MGAT4C: variants seen among roughly 807,000 people sequenced by gnomAD.
The protein encoded by MGAT4C is MGAT4 family member C.
Under a neutral mutation model 40.1 loss-of-function variants are expected in MGAT4C, and 19 were observed. The ratio of observed to expected loss-of-function variants is 0.47; its 90% CI spans 0.33 to 0.70. The LOEUF (loss-of-function observed/expected upper bound fraction) is 0.70, where lower values mean the gene tolerates loss of function less well. MGAT4C is among the 30% of genes least tolerant of loss of function. The pLI is 0.02. For synonymous variants in MGAT4C, 181 were observed against 187.1 expected, an observed-to-expected ratio of 0.97 and a Z score of 0.27; for missense variants, 491 against 563.2, an observed-to-expected ratio of 0.87 and a Z score of 1.30.
intron 1 of MGAT4C, among the ~76,000 whole-genome samples, chr12:86,124,658 C>A (rs1879964622): frequency 6.6e-6 from 1 of 151,870 alleles, no homozygotes; most frequent in Non-Finnish European, 1.5e-5. Flanking sequence ...ATTCAGAGGT[C>A]TCTGTGGTCT....
chr12:86,442,972 G>A (rs993907395), intron 2 of MGAT4C, among the ~76,000 whole-genome samples: 10 of 152,028 alleles, frequency 6.6e-5, no homozygotes, highest in South Asian at 2.1e-4. Context: ...TTAGCGATAA[G>A]GTATTTTTAA....
At chr12:86,797,811 T>G (rs1952155312) in intron 1 of MGAT4C, among the ~76,000 whole-genome samples, 1 of 151,954 alleles carries the variant, frequency 6.6e-6, no homozygotes, top group South Asian at 2.1e-4. Context: ...TCTCTTCTTC[T>G]GATATTCTTT....
intron 2 of MGAT4C, among the ~76,000 whole-genome samples, chr12:86,506,020 T>C (rs1359647144): frequency 6.6e-6 from 1 of 152,130 alleles, no homozygotes; most frequent in Non-Finnish European, 1.5e-5. Flanking sequence ...AAGCCAGTAA[T>C]TGGTCAAACT....
intron 1 of MGAT4C, among the ~76,000 whole-genome samples, chr12:86,807,507 T>C (rs994804327): frequency 6.6e-6 from 1 of 152,132 alleles, no homozygotes; most frequent in Non-Finnish European, 1.5e-5. Context: ...TACCACATTT[T>C]TTTTATCCAG....
intron 4 of MGAT4C, among the ~76,000 whole-genome samples, chr12:86,310,625 T>C (rs747830524): frequency 2.6e-5 from 4 of 152,102 alleles, no homozygotes; most frequent in Non-Finnish European, 4.4e-5. Flanking sequence ...ATGCTTACTA[T>C]TAAAAAGTTA....
At chr12:86,268,672 T>TATATATAC (rs960996254) in intron 4 of MGAT4C, among the ~76,000 whole-genome samples, 6 of 146,914 alleles carry the variant, frequency 4.1e-5, no homozygotes, top group African/African-American at 1.5e-4. Flanking sequence ...TACATATATA[T>TATATATAC]ATATATACAT....
chr12:86,689,156 T>C (rs1004128698), intron 2 of MGAT4C, among the ~76,000 whole-genome samples: 2 of 152,238 alleles, frequency 1.3e-5, no homozygotes, highest in Non-Finnish European at 2.9e-5. Context: ...CTGTGTATAC[T>C]TCACGAAGTT....
chr12:86,105,691 G>A (rs527874459), intron 1 of MGAT4C, among the ~76,000 whole-genome samples: 1 of 152,142 alleles, frequency 6.6e-6, no homozygotes, highest in African/African-American at 2.4e-5. Context: ...TATCTTCCAT[G>A]TTAATTACTA....
intron 1 of MGAT4C, among the ~76,000 whole-genome samples, chr12:86,176,587 G>A (rs962479471): frequency 1.1e-4 from 17 of 151,774 alleles, no homozygotes; most frequent in African/African-American, 4.1e-4. Flanking sequence ...ATATGTACAT[G>A]TCAATCACTG....
chr12:86,671,314 G>A (rs1964250479), intron 2 of MGAT4C, among the ~76,000 whole-genome samples: 1 of 152,130 alleles, frequency 6.6e-6, no homozygotes, highest in Non-Finnish European at 1.5e-5. Context: ...ATGAGTGCTG[G>A]CAGCGAGCTG....
chr12:86,791,111 C>T (rs923149691), intron 1 of MGAT4C, among the ~76,000 whole-genome samples: 1 of 152,070 alleles, frequency 6.6e-6, no homozygotes, highest in Non-Finnish European at 1.5e-5. Flanking sequence ...CTGAGAGGTT[C>T]AAGGGTGATG....
chr12:86,194,813 AT>A (rs1472961761), intron 1 of MGAT4C, among the ~76,000 whole-genome samples: 1 of 152,090 alleles, frequency 6.6e-6, no homozygotes, highest in Admixed American at 6.6e-5. Context: ...TCAAAGTTGG[AT>A]TTCTGCCTTT....
chr12:86,438,094 A>G (rs1957167807), intron 2 of MGAT4C, among the ~76,000 whole-genome samples: 1 of 151,990 alleles, frequency 6.6e-6, no homozygotes. Flanking sequence ...TAGGCTTCTT[A>G]TGCTAAACAG....
chr12:86,774,732 A>T (rs899973167), intron 1 of MGAT4C, among the ~76,000 whole-genome samples: 3 of 152,128 alleles, frequency 2.0e-5, no homozygotes, highest in African/African-American at 7.2e-5. Context: ...ATTCAAAAGG[A>T]TTTTAAATAT....
intron 1 of MGAT4C, among the ~76,000 whole-genome samples, chr12:86,107,620 C>A (rs1400275894): frequency 2.6e-5 from 4 of 152,080 alleles, no homozygotes; most frequent in African/African-American, 9.7e-5. Context: ...ACAAAATGTA[C>A]AACATCTCAT....
At chr12:86,730,295 G>A (rs1187878926) in intron 1 of MGAT4C, among the ~76,000 whole-genome samples, 3 of 151,882 alleles carry the variant, frequency 2.0e-5, no homozygotes, top group Admixed American at 2.0e-4. Flanking sequence ...CAGAGAAAAG[G>A]GAATTTATTA....
chr12:86,334,891 A>G (rs561603112), intron 3 of MGAT4C, among the ~76,000 whole-genome samples: 1 of 152,268 alleles, frequency 6.6e-6, no homozygotes, highest in African/African-American at 2.4e-5. Flanking sequence ...CAATTAAAAC[A>G]TTAAACTCTA....
chr12:86,251,290 T>C (rs2136075868), intron 1 of MGAT4C, among the ~76,000 whole-genome samples: 1 of 152,128 alleles, frequency 6.6e-6, no homozygotes, highest in Non-Finnish European at 1.5e-5. Context: ...AAAACATACC[T>C]GAGAACTTAG....
chr12:86,258,661 AAATAT>A (rs1250942161), upstream of MGAT4C, among the ~76,000 whole-genome samples: 8 of 152,090 alleles, frequency 5.3e-5, no homozygotes, highest in East Asian at 1.5e-3. Flanking sequence ...TTTGTTATTA[AAATAT>A]GTCAGTGAGA....
Sources: gnomAD v4.1 joint callset for allele counts (sites outside exome capture counted in the v4.1 genomes callset) on GRCh38, gnomAD v4.1.1 for gene constraint, MANE v1.5 for transcripts, NCBI Gene and HGNC (gene_info 2026-07-23, HGNC 2026-07-21) for gene names.